LINGO2: variants seen among roughly 807,000 people sequenced by gnomAD.
LINGO2 encodes the protein leucine-rich repeat and immunoglobulin-like domain-containing nogo receptor-interacting protein 2.
In LINGO2, 14 loss-of-function variants were observed where a neutral mutation model predicts 30.6. The ratio of observed to expected loss-of-function variants is 0.46; its 90% CI spans 0.30 to 0.72. The LOEUF is 0.72. Among genes scored for constraint, LINGO2 ranks in the 30% least tolerant of loss-of-function variants. LINGO2 has a pLI of 0.07. For missense variants in LINGO2, 729 were observed against 751.7 expected (o/e 0.97, Z 0.35); for synonymous variants, 317 against 288.5 (o/e 1.10, Z -1.00).
chr9:28,478,540 T>G (rs2135205315), intron 1 of LINGO2, among the ~76,000 whole-genome samples: 1 of 152,244 alleles, frequency 6.6e-6, no homozygotes, highest in African/African-American at 2.4e-5. Context: ...ATTCAGAAGA[T>G]AGGTCACAGT....
chr9:28,631,412 T>C (rs1183289856), intron 1 of LINGO2, among the ~76,000 whole-genome samples: 1 of 151,558 alleles, frequency 6.6e-6, no homozygotes, highest in African/African-American at 2.4e-5. Flanking sequence ...CTGTCTTGAA[T>C]TAATTTTTGT....
chr9:28,697,855 A>C, the LINGO2 span, among the ~76,000 whole-genome samples: 1 of 152,190 alleles, frequency 6.6e-6, no homozygotes, highest in East Asian at 1.9e-4. Flanking sequence ...ACAAAAAATA[A>C]TATTTGGTGT....
chr9:29,065,417 T>A, the LINGO2 span, among the ~76,000 whole-genome samples: 7 of 152,212 alleles, frequency 4.6e-5, no homozygotes, highest in East Asian at 7.7e-4. Flanking sequence ...TACATTTAAG[T>A]CTTTAAACCA....
At chr9:29,081,052 G>A in the LINGO2 span, among the ~76,000 whole-genome samples, 1 of 152,064 alleles carries the variant, frequency 6.6e-6, no homozygotes, top group Non-Finnish European at 1.5e-5. Context: ...TAGAAAAAGA[G>A]GGAATCCTCC....
chr9:28,584,199 A>C (rs1824412497), intron 1 of LINGO2, among the ~76,000 whole-genome samples: 1 of 152,034 alleles, frequency 6.6e-6, no homozygotes, highest in African/African-American at 2.4e-5. Flanking sequence ...AATTTTGATA[A>C]ACTTTTTTCT....
intron 1 of LINGO2, among the ~76,000 whole-genome samples, chr9:28,646,230 A>G (rs955078904): frequency 1.3e-5 from 2 of 152,102 alleles, no homozygotes; most frequent in African/African-American, 4.8e-5. Context: ...TAAGAAGTCC[A>G]TGGAAAAGTC....
chr9:29,057,023 T>C, the LINGO2 span, among the ~76,000 whole-genome samples: 2 of 152,156 alleles, frequency 1.3e-5, no homozygotes, highest in African/African-American at 4.8e-5. Context: ...ATGTGATGCC[T>C]CCAGATCTGT....
At chr9:28,521,772 T>G (rs1820837515) in intron 1 of LINGO2, among the ~76,000 whole-genome samples, 1 of 152,080 alleles carries the variant, frequency 6.6e-6, no homozygotes, top group Non-Finnish European at 1.5e-5. Context: ...TCAGATGAGG[T>G]CATACTGGAT....
In LINGO2 at chr9:28,249,081, A is replaced by G. The variant is rs559120652; in HGVS notation, c.-87+46127T>C. Among the ~76,000 whole-genome samples, 20 of 152,218 alleles carry G rather than the reference A, an allele frequency of 1.3e-4. No homozygotes were observed. The South Asian group carries it at 4.1e-3, about 32-fold the overall frequency. On this transcript the variant is annotated intron_variant, in intron 4 of 5. Transcript: ENST00000379992. ...TGTGTAGAGTCCTATATTTACTTACATGATTTGTGGGGAAATGTGGTTTCT... is the reference window on the plus strand; with the variant it reads ...TGTGTAGAGTCCTATATTTACTTACGTGATTTGTGGGGAAATGTGGTTTCT...
At chr9:29,158,185 AAAAAAAAAC>A in the LINGO2 span, among the ~76,000 whole-genome samples, 2 of 127,658 alleles carry the variant, frequency 1.6e-5, no homozygotes, top group Non-Finnish European at 3.5e-5. Context: ...TACACAAAGT[AAAAAAAAAC>A]AAAAAAAAAA....
chr9:29,073,011 A>C, the LINGO2 span, among the ~76,000 whole-genome samples: 2 of 142,578 alleles, frequency 1.4e-5, no homozygotes, highest in Non-Finnish European at 3.0e-5. Context: ...GCACACACAC[A>C]CCCCACATGT....
rs185265658 is a variant in LINGO2 at position 28,343,519 on chromosome 9, A to G, written c.-246+29317T>C. Reference sequence around the variant, plus strand: ...GTTCTGTATACATAGATTGTCCTGTATAAGTACTGATAGACATCGTGATAA... The same window carrying G: ...GTTCTGTATACATAGATTGTCCTGTGTAAGTACTGATAGACATCGTGATAA... On this transcript the variant is annotated intron_variant, in intron 3 of 5. Transcript: ENST00000379992. 1.7e-4 allele frequency among the ~76,000 whole-genome samples: 26 copies of G among 152,322 alleles called. No homozygotes were observed. The East Asian group carries it at 5.0e-3, about 29-fold the overall frequency.
At chr9:28,730,316 T>A in the LINGO2 span, among the ~76,000 whole-genome samples, 1 of 152,192 alleles carries the variant, frequency 6.6e-6, no homozygotes, top group Non-Finnish European at 1.5e-5. Flanking sequence ...ATCATGAGAC[T>A]TATCTGTTTA....
the LINGO2 span, among the ~76,000 whole-genome samples, chr9:29,059,416 AAAATAAATAAAT>A: frequency 6.7e-6 from 1 of 150,248 alleles, no homozygotes; most frequent in Non-Finnish European, 1.5e-5. Context: ...TTAAAATTAA[AAAATAAATAAAT>A]AAATAAATAA....
intron 5 of LINGO2, among the ~76,000 whole-genome samples, chr9:27,988,548 G>C (rs887801912): frequency 1.3e-5 from 2 of 151,996 alleles, no homozygotes; most frequent in African/African-American, 4.8e-5. Context: ...CATTCTAACT[G>C]GTGTGAGATG....
chr9:29,199,854 C>T, the LINGO2 span, among the ~76,000 whole-genome samples: 7 of 151,818 alleles, frequency 4.6e-5, no homozygotes, highest in Non-Finnish European at 1.0e-4. Flanking sequence ...TGGAGAAAGA[C>T]CAGTTGGCTT....
the LINGO2 span, among the ~76,000 whole-genome samples, chr9:28,987,726 G>A: frequency 6.6e-6 from 1 of 151,736 alleles, no homozygotes; most frequent in Non-Finnish European, 1.5e-5. Flanking sequence ...CCATAATTTT[G>A]GTGTGTCATA....
At chr9:28,087,937 T>C (rs1204796422) in intron 4 of LINGO2, among the ~76,000 whole-genome samples, 1 of 152,008 alleles carries the variant, frequency 6.6e-6, no homozygotes, top group Non-Finnish European at 1.5e-5. Context: ...TCCCAATCAC[T>C]ATAATATAAT....
chr9:28,689,473 T>C, the LINGO2 span, among the ~76,000 whole-genome samples: 2 of 151,958 alleles, frequency 1.3e-5, no homozygotes, highest in Non-Finnish European at 2.9e-5. Context: ...ACATCATTAA[T>C]CATTAGAGAA....
Sources: allele counts gnomAD v4.1 joint callset (sites outside exome capture counted in the v4.1 genomes callset), GRCh38; gene constraint gnomAD v4.1.1; transcripts MANE v1.5; gene names NCBI Gene and HGNC (gene_info 2026-07-23, HGNC 2026-07-21).